OOSP3: variants seen among roughly 807,000 people sequenced by gnomAD.
OOSP3 encodes the protein oocyte-secreted protein 3.
intron 2 of OOSP3, among the ~76,000 whole-genome samples, chr11:59,886,377 T>C (rs564725505): frequency 6.6e-6 from 1 of 152,404 alleles, no homozygotes; most frequent in East Asian, 1.9e-4. Context: ...ATCCTTGTAA[T>C]AGAATTTATA....
intron 1 of OOSP3, among the ~76,000 whole-genome samples, chr11:59,879,682 C>T (rs1442449898): frequency 1.6e-4 from 25 of 152,128 alleles, no homozygotes; most frequent in Admixed American, 1.6e-3. Context: ...ACAGACTTAC[C>T]ACACAAGGTT....
At chr11:59,887,191 T>A (rs1468727715) in intron 2 of OOSP3, among the ~76,000 whole-genome samples, 6 of 151,908 alleles carry the variant, frequency 3.9e-5, no homozygotes, top group Non-Finnish European at 8.8e-5. Context: ...GTCAGATGGA[T>A]AGATTGCAAA....
chr11:59,889,280 G>A (rs1853289100), intron 2 of OOSP3, among the ~76,000 whole-genome samples: 2 of 151,182 alleles, frequency 1.3e-5, no homozygotes, highest in African/African-American at 2.4e-5. Context: ...TTTTTGAAGG[G>A]TTTTTCATGT....
intron 2 of OOSP3, among the ~76,000 whole-genome samples, chr11:59,887,539 T>C (rs1853274163): frequency 6.6e-6 from 1 of 152,202 alleles, no homozygotes; most frequent in South Asian, 2.1e-4. Context: ...CCCAGCACCA[T>C]TTATTAAATA....
chr11:59,896,138 G>A (rs962776413), exon 5 of OOSP3: 14 of 398,274 alleles, frequency 3.5e-5, no homozygotes, highest in Middle Eastern at 6.2e-4. Flanking sequence ...TGTAGGTAGA[G>A]GCATCTCATC....
intron 4 of OOSP3, 112 bp from the exon 5 acceptor site, chr11:59,896,021 A>C: frequency 2.5e-6 from 1 of 396,502 alleles, no homozygotes. Context: ...GGCACATAGT[A>C]GGTTCTCCGT....
intron 2 of OOSP3, among the ~76,000 whole-genome samples, chr11:59,884,447 GT>G: frequency 7.3e-6 from 1 of 137,562 alleles, no homozygotes; most frequent in African/African-American, 2.9e-5. Context: ...GATCATGTCT[GT>G]TTGTCTGTCT....
intron 2 of OOSP3, among the ~76,000 whole-genome samples, chr11:59,884,875 G>T (rs1487679515): frequency 1.3e-5 from 2 of 152,004 alleles, no homozygotes; most frequent in South Asian, 4.2e-4. Context: ...TTATCTTCTT[G>T]CCTAATTTTC....
chr11:59,880,369 C>T (rs2134524011), exon 2 of OOSP3: 1 of 398,548 alleles, frequency 2.5e-6, no homozygotes, highest in East Asian at 3.6e-5. Context: ...ACTGGCTGTC[C>T]TGTAACCAAT....
intron 2 of OOSP3, among the ~76,000 whole-genome samples, chr11:59,891,487 GCTTT>G (rs1370237144): frequency 1.3e-5 from 2 of 152,042 alleles, no homozygotes; most frequent in Non-Finnish European, 1.5e-5. Flanking sequence ...TGATGTTGTT[GCTTT>G]CTGTTTGTTT....
At chr11:59,893,218 G>GT (rs1565220517) in intron 2 of OOSP3, among the ~76,000 whole-genome samples, 1 of 152,070 alleles carries the variant, frequency 6.6e-6, no homozygotes. Context: ...GAGAATATTT[G>GT]TTGCATTATT....
At chr11:59,882,685 G>A (rs1240084670) in intron 2 of OOSP3, among the ~76,000 whole-genome samples, 1 of 152,100 alleles carries the variant, frequency 6.6e-6, no homozygotes, top group African/African-American at 2.4e-5. Flanking sequence ...ACAATACAGT[G>A]GTTTTTAGTA....
At chr11:59,891,720 A>G (rs1165427496) in intron 2 of OOSP3, among the ~76,000 whole-genome samples, 3 of 152,200 alleles carry the variant, frequency 2.0e-5, no homozygotes, top group Non-Finnish European at 4.4e-5. Flanking sequence ...GGGAGGTCTT[A>G]TGCAGTCAGG....
intron 2 of OOSP3, among the ~76,000 whole-genome samples, chr11:59,887,362 A>G (rs1853272458): frequency 6.6e-6 from 1 of 151,842 alleles, no homozygotes; most frequent in East Asian, 1.9e-4. Flanking sequence ...TCATCATAAA[A>G]TCTTTGCACA....
rs1028320381 is a variant in OOSP3 at position 59,892,392 on chromosome 11, T to C, written c.253-1687T>C. On this transcript the variant is annotated intron_variant, in intron 2 of 4. Coordinates refer to ENST00000646438, the Ensembl canonical transcript of OOSP3. Reference sequence around the variant, plus strand: ...CAATAAGAGAATCTGGGTACCTCAGTTGGAAATGCAGAATTCACTCCCCAT... The same window carrying C: ...CAATAAGAGAATCTGGGTACCTCAGCTGGAAATGCAGAATTCACTCCCCAT... Among the ~76,000 whole-genome samples, 3 of 152,006 alleles carry C rather than the reference T, an allele frequency of 2.0e-5. No individual in the cohort carries two copies. The East Asian group carries it at 5.8e-4, about 30-fold the overall frequency.
chr11:59,879,337 C>T (rs1468595676), intron 1 of OOSP3, among the ~76,000 whole-genome samples: 2 of 152,110 alleles, frequency 1.3e-5, no homozygotes, highest in Non-Finnish European at 2.9e-5. Flanking sequence ...ACTTCTTATT[C>T]TCCCTAAGTC....
At chr11:59,894,217 A>G in intron 3 of OOSP3, 41 bp downstream of exon 3, 1 of 398,428 alleles carries the variant, frequency 2.5e-6, no homozygotes. Flanking sequence ...TTACCCTCTA[A>G]GAACTAATGA....
At chr11:59,895,045 A>T (rs1853343523) in intron 3 of OOSP3, among the ~76,000 whole-genome samples, 2 of 152,202 alleles carry the variant, frequency 1.3e-5, no homozygotes, top group Non-Finnish European at 2.9e-5. Context: ...TTTAAAAAGC[A>T]ATAATTTAGA....
At chr11:59,885,923 T>G (rs955192725) in intron 2 of OOSP3, among the ~76,000 whole-genome samples, 5 of 152,202 alleles carry the variant, frequency 3.3e-5, no homozygotes, top group African/African-American at 7.2e-5. Flanking sequence ...GGGGTACATG[T>G]GCTGGATGTG....
Sources: gnomAD v4.1 joint callset for allele counts (sites outside exome capture counted in the v4.1 genomes callset) on GRCh38, gnomAD v4.1.1 for gene constraint, MANE v1.5 for transcripts, NCBI Gene and HGNC (gene_info 2026-07-23, HGNC 2026-07-21) for gene names.